NELL1: variants seen among roughly 807,000 people sequenced by gnomAD.
NELL1 encodes the protein neural EGFL like 1.
Under a neutral mutation model 107.4 loss-of-function variants are expected in NELL1, and 76 were observed. The ratio of observed to expected loss-of-function variants is 0.71; its 90% confidence interval spans 0.59 to 0.86. NELL1 has a LOEUF of 0.86. Ranked by LOEUF, NELL1 falls within the 40% of genes least tolerant of loss-of-function variation. The probability of loss-of-function intolerance (pLI) is 0.00; values close to 1 mark genes in which losing one functional copy is unlikely to be tolerated. For synonymous variants in NELL1, 353 were observed against 341.2 expected, an observed-to-expected ratio of 1.03 and a Z score of -0.38; for missense variants, 1,024 against 1,005.5, an observed-to-expected ratio of 1.02 and a Z score of -0.25.
intron 14 of NELL1, among the ~76,000 whole-genome samples, chr11:21,302,003 G>A (rs1849501948): frequency 6.6e-6 from 1 of 152,038 alleles, no homozygotes; most frequent in South Asian, 2.1e-4. Flanking sequence ...GGCAGAGGCA[G>A]TATAGGTTCC....
chr11:20,696,847 A>T (rs575638035), intron 2 of NELL1, among the ~76,000 whole-genome samples: 2 of 152,304 alleles, frequency 1.3e-5, no homozygotes, highest in South Asian at 4.1e-4. Context: ...GTGGTTGGAG[A>T]GGATTTACAG....
chr11:20,994,441 G>A (rs1056355496), intron 12 of NELL1, among the ~76,000 whole-genome samples: 4 of 152,176 alleles, frequency 2.6e-5, no homozygotes, highest in Non-Finnish European at 5.9e-5. Flanking sequence ...CTGATGTATT[G>A]TTTACTATGA....
In NELL1 at chr11:21,409,542, T is replaced by C. The variant is rs905770521; in HGVS notation, c.1645+38594T>C. Among the ~76,000 whole-genome samples, 15 of 151,908 alleles carry C rather than the reference T, an allele frequency of 9.9e-5. 1 individual carries two copies. The highest frequency in any genetic ancestry group is 9.7e-4 in the East Asian group (5 of 5,144). ...CACATGTATACATATGTAACTATCC[T>C]GCATATTGTGCACATGTACCCTAAA... On this transcript the variant is annotated intron_variant, in intron 15 of 19. Transcript: ENST00000357134.
In NELL1 at chr11:21,254,799, C is replaced by T. The variant is rs913375030; in HGVS notation, c.1549+25345C>T. Among the ~76,000 whole-genome samples, 24 of 152,016 alleles carry T rather than the reference C, an allele frequency of 1.6e-4. 1 individual carries two copies. Among genetic ancestry groups the T allele is most frequent in the Non-Finnish European group, 1.5e-5 (1 of 67,984 alleles). ...CTTCTTTTCACAGTACATTTCACAGCCATTTCTGAAAAAGCCCAGCTGTGC... is the reference window on the plus strand; with the variant it reads ...CTTCTTTTCACAGTACATTTCACAGTCATTTCTGAAAAAGCCCAGCTGTGC... On this transcript the variant is annotated intron_variant, in intron 14 of 19. Coordinates refer to ENST00000357134, the MANE Select transcript of NELL1 (RefSeq NM_006157.5).
intron 5 of NELL1, among the ~76,000 whole-genome samples, chr11:20,903,153 A>G (rs1849915152): frequency 6.6e-6 from 1 of 152,096 alleles, no homozygotes; most frequent in African/African-American, 2.4e-5. Context: ...TATATATGTG[A>G]ATATATGTAT....
chr11:21,115,151 T>A (rs1855201707), intron 13 of NELL1, among the ~76,000 whole-genome samples: 1 of 151,986 alleles, frequency 6.6e-6, no homozygotes, highest in East Asian at 1.9e-4. Flanking sequence ...TGTCTGGTGG[T>A]TTATATATGG....
chr11:20,715,435 G>A (rs771121843), intron 2 of NELL1, among the ~76,000 whole-genome samples: 23 of 151,908 alleles, frequency 1.5e-4, no homozygotes, highest in African/African-American at 1.9e-4. Flanking sequence ...AGGAGGTTCC[G>A]GTAACTCATT....
At chr11:20,938,450 A>C (rs960512641) in intron 10 of NELL1, among the ~76,000 whole-genome samples, 1 of 152,222 alleles carries the variant, frequency 6.6e-6, no homozygotes, top group Non-Finnish European at 1.5e-5. Flanking sequence ...GGAGAGAGAC[A>C]GTAAGAATTA....
At chr11:20,970,537 A>G (rs946355303) in intron 12 of NELL1, among the ~76,000 whole-genome samples, 1 of 152,194 alleles carries the variant, frequency 6.6e-6, no homozygotes, top group Non-Finnish European at 1.5e-5. Context: ...GGTGAGAGCA[A>G]TACATTCTGC....
chr11:20,810,044 A>G, intron 3 of NELL1, among the ~76,000 whole-genome samples: 1 of 151,716 alleles, frequency 6.6e-6, no homozygotes, highest in East Asian at 1.9e-4. Flanking sequence ...TAATTTTTTG[A>G]GAGTATCCAT....
At chr11:21,072,544 G>A (rs930412133) in intron 12 of NELL1, among the ~76,000 whole-genome samples, 2 of 152,082 alleles carry the variant, frequency 1.3e-5, no homozygotes, top group African/African-American at 2.4e-5. Context: ...TTTCTATGAG[G>A]AATATAGCAC....
intron 12 of NELL1, among the ~76,000 whole-genome samples, chr11:20,963,766 G>A (rs1304328874): frequency 6.6e-6 from 1 of 152,094 alleles, no homozygotes; most frequent in East Asian, 1.9e-4. Context: ...CTGAGTAAAT[G>A]GGATGAAAAT....
At chr11:21,457,543 C>T (rs1160799303) in intron 15 of NELL1, among the ~76,000 whole-genome samples, 1 of 152,090 alleles carries the variant, frequency 6.6e-6, no homozygotes, top group African/African-American at 2.4e-5. Context: ...CCAAAATTGT[C>T]AATACTAGAG....
intron 12 of NELL1, among the ~76,000 whole-genome samples, chr11:21,086,569 C>T (rs1164345973): frequency 2.0e-5 from 3 of 152,130 alleles, no homozygotes; most frequent in Non-Finnish European, 4.4e-5. Context: ...GTTGGATTAA[C>T]TTAAACGGAA....
intron 15 of NELL1, among the ~76,000 whole-genome samples, chr11:21,495,584 AC>A (rs1163596743): frequency 6.6e-6 from 1 of 152,078 alleles, no homozygotes; most frequent in Non-Finnish European, 1.5e-5. Flanking sequence ...AAACTACCAA[AC>A]AGTTTTGCAC....
At chr11:20,750,280 A>G (rs1856102577) in intron 2 of NELL1, among the ~76,000 whole-genome samples, 2 of 152,070 alleles carry the variant, frequency 1.3e-5, no homozygotes, top group Admixed American at 6.6e-5. Flanking sequence ...ATTATTATTT[A>G]AAAAATGGAC....
chr11:21,543,667 T>C (rs1856353034), intron 16 of NELL1, among the ~76,000 whole-genome samples: 1 of 152,036 alleles, frequency 6.6e-6, no homozygotes, highest in Non-Finnish European at 1.5e-5. Flanking sequence ...CTGCTCCTTT[T>C]CTAGTCCTGC....
At chr11:21,008,907 T>C (rs1000954453) in intron 12 of NELL1, among the ~76,000 whole-genome samples, 2 of 152,178 alleles carry the variant, frequency 1.3e-5, no homozygotes, top group Non-Finnish European at 2.9e-5. Flanking sequence ...TCTAAAATAC[T>C]GTTGGTTTCG....
intron 4 of NELL1, among the ~76,000 whole-genome samples, chr11:20,871,152 A>T (rs1461424531): frequency 6.6e-6 from 1 of 152,166 alleles, no homozygotes; most frequent in Non-Finnish European, 1.5e-5. Flanking sequence ...TGCCCTTAAT[A>T]TATTAATTAA....
Sources: allele counts gnomAD v4.1 joint callset (sites outside exome capture counted in the v4.1 genomes callset), GRCh38; gene constraint gnomAD v4.1.1; transcripts MANE v1.5; gene names NCBI Gene and HGNC (gene_info 2026-07-23, HGNC 2026-07-21).